GPHN: variants seen among roughly 807,000 people sequenced by gnomAD.
The protein encoded by GPHN is gephyrin.
GPHN carries 17 observed loss-of-function variants against 95.5 expected under a neutral mutation model. That is an observed-to-expected ratio of 0.18 (90% CI 0.12 to 0.27). GPHN has a LOEUF of 0.27. Among genes scored for constraint, GPHN ranks in the 10% least tolerant of loss-of-function variants. GPHN has a pLI of 1.00. For missense variants in GPHN, 660 were observed against 978.1 expected (o/e 0.67, Z 4.34); for synonymous variants, 320 against 322.5 (o/e 0.99, Z 0.08).
At chr14:66,745,712 T>C (rs2058117568) in intron 2 of GPHN, among the ~76,000 whole-genome samples, 1 of 152,008 alleles carries the variant, frequency 6.6e-6, no homozygotes, top group African/African-American at 2.4e-5. Flanking sequence ...GTTGATTATA[T>C]TAATTAAAGT....
At chr14:67,693,283 C>T in the GPHN span, among the ~76,000 whole-genome samples, 1 of 152,198 alleles carries the variant, frequency 6.6e-6, no homozygotes, top group Non-Finnish European at 1.5e-5. Flanking sequence ...TACAGCTGTT[C>T]TCTGCAGCAC....
chr14:66,806,252 C>T (rs192784506), intron 3 of GPHN, among the ~76,000 whole-genome samples: 2 of 152,310 alleles, frequency 1.3e-5, no homozygotes, highest in African/African-American at 4.8e-5. Flanking sequence ...CTAGACTGCA[C>T]ATAGCACAAG....
intron 4 of GPHN, among the ~76,000 whole-genome samples, chr14:66,830,430 G>T (rs1250005158): frequency 1.3e-5 from 2 of 151,986 alleles, no homozygotes; most frequent in African/African-American, 4.8e-5. Context: ...TGAATTTGTT[G>T]TACATTAAGT....
the GPHN span, among the ~76,000 whole-genome samples, chr14:67,404,403 G>A: frequency 6.6e-6 from 1 of 151,590 alleles, no homozygotes; most frequent in Non-Finnish European, 1.5e-5. Flanking sequence ...CAGGAGGATT[G>A]CCCACGCCTA....
chr14:67,315,726 A>G, the GPHN span, among the ~76,000 whole-genome samples: 1 of 152,092 alleles, frequency 6.6e-6, no homozygotes, highest in Admixed American at 6.5e-5. Context: ...GGAGTTTAAG[A>G]CCAGCCTGGC....
the GPHN span, chr14:67,579,613 G>C: frequency 9.0e-7 from 1 of 1,109,816 alleles, no homozygotes; most frequent in South Asian, 1.6e-5. Flanking sequence ...TTGGCCTTTT[G>C]TATTTGCCCT....
At chr14:66,805,556 A>G (rs772349076) in intron 3 of GPHN, among the ~76,000 whole-genome samples, 1 of 152,226 alleles carries the variant, frequency 6.6e-6, no homozygotes, top group Non-Finnish European at 1.5e-5. Flanking sequence ...CAACTTAGTT[A>G]CTTCCTAGGT....
rs538702132 is a variant in GPHN at position 66,884,128 on chromosome 14, T to C, written c.389+4095T>C. On this transcript the variant is annotated intron_variant, in intron 5 of 22. Transcript: ENST00000478722. Reference sequence around the variant, plus strand: ...AAAGAGATTCCTCTTACCTTAGTTCTTTAGACAATATCGGCTCCTTTTTTT... The same window carrying C: ...AAAGAGATTCCTCTTACCTTAGTTCCTTAGACAATATCGGCTCCTTTTTTT... Among the ~76,000 whole-genome samples the C allele has an allele frequency of 2.4e-3, 364 of 152,230 alleles. 4 individuals are homozygous for C. Among genetic ancestry groups the C allele is most frequent in the African/African-American group, 8.3e-3 (343 of 41,570 alleles).
At chr14:66,638,997 T>A (rs1184520838) in intron 1 of GPHN, among the ~76,000 whole-genome samples, 1 of 152,046 alleles carries the variant, frequency 6.6e-6, no homozygotes, top group East Asian at 1.9e-4. Context: ...CACACAGTAT[T>A]TTGCAGCAAG....
the GPHN span, chr14:67,397,829 A>G: frequency 1.9e-6 from 3 of 1,605,002 alleles, no homozygotes; most frequent in East Asian, 2.2e-5. Flanking sequence ...ATGTGGCCCT[A>G]TGGACAGACA....
the GPHN span, among the ~76,000 whole-genome samples, chr14:67,591,429 T>C: frequency 6.6e-6 from 1 of 152,248 alleles, no homozygotes; most frequent in African/African-American, 2.4e-5. Context: ...TTTTGGCTTA[T>C]CTTAAATCCT....
chr14:67,169,891 A>G (rs552884188), intron 21 of GPHN, among the ~76,000 whole-genome samples: 2 of 152,212 alleles, frequency 1.3e-5, no homozygotes, highest in Non-Finnish European at 2.9e-5. Flanking sequence ...AGCCTGGCCA[A>G]CGTGGTGAAA....
chr14:67,303,583 C>G, the GPHN span: 2 of 1,613,210 alleles, frequency 1.2e-6, no homozygotes, highest in South Asian at 2.2e-5. Context: ...AAGCCGCCTC[C>G]TGCCAAGGAA....
the GPHN span, among the ~76,000 whole-genome samples, chr14:67,617,605 T>C: frequency 1.3e-5 from 2 of 152,258 alleles, no homozygotes; most frequent in African/African-American, 4.8e-5. Context: ...TATCTCTGAC[T>C]AAACTATAGG....
At chr14:67,069,474 C>T (rs966994390) in intron 11 of GPHN, among the ~76,000 whole-genome samples, 4 of 152,178 alleles carry the variant, frequency 2.6e-5, no homozygotes, top group African/African-American at 9.7e-5. Flanking sequence ...AAGTCAGAGA[C>T]GGGAACATGT....
Position 66,856,100 on chromosome 14 carries a change from A to T in GPHN, c.295-23839A>T, listed in dbSNP as rs186608222. 4.3e-4 allele frequency among the ~76,000 whole-genome samples: 66 copies of T among 152,238 alleles called. 1 individual carries two copies. The East Asian group carries it at 0.013, about 29-fold the overall frequency. On this transcript the variant is annotated intron_variant, in intron 4 of 22. Coordinates refer to ENST00000478722, the MANE Select transcript of GPHN (RefSeq NM_020806.5). The stretch of plus-strand genomic sequence containing the variant: ...TTCATCAAACAGTACTTTTTGATTT[A>T]AAAAAAGTGAATTCAGTAAAATATG...
At chr14:66,539,344 C>T (rs2059261687) in intron 1 of GPHN, among the ~76,000 whole-genome samples, 1 of 151,636 alleles carries the variant, frequency 6.6e-6, no homozygotes, top group African/African-American at 2.4e-5. Flanking sequence ...TTCCTTTCAA[C>T]CTTGCATTTG....
intron 11 of GPHN, 64 bp downstream of exon 11, chr14:67,058,850 A>T: frequency 7.8e-7 from 1 of 1,275,064 alleles, no homozygotes; most frequent in Non-Finnish European, 1.1e-6. Flanking sequence ...GATTCATGTA[A>T]CATTAATGCA....
the GPHN span, chr14:67,196,984 A>G: frequency 6.6e-6 from 1 of 152,014 alleles, no homozygotes; most frequent in Non-Finnish European, 1.5e-5. Flanking sequence ...GCTGGAGTGC[A>G]GTGACAAGAT....
Sources: gnomAD v4.1 joint callset for allele counts (sites outside exome capture counted in the v4.1 genomes callset) on GRCh38, gnomAD v4.1.1 for gene constraint, MANE v1.5 for transcripts, NCBI Gene and HGNC (gene_info 2026-07-23, HGNC 2026-07-21) for gene names.